The following URI1 variants were observed in gnomAD, a reference collection of about 807,000 sequenced individuals.
URI1 encodes unconventional prefoldin RPB5 interactor 1.
Under a neutral mutation model 60.2 loss-of-function variants are expected in URI1, and 39 were observed. The ratio of observed to expected loss-of-function variants is 0.65; its 90% CI spans 0.50 to 0.85. The LOEUF (loss-of-function observed/expected upper bound fraction) is 0.85, where lower values mean the gene tolerates loss of function less well. Among genes scored for constraint, URI1 ranks in the 40% least tolerant of loss-of-function variants. The pLI is 0.00. For missense variants in URI1, 691 were observed against 665.9 expected (o/e 1.04, Z -0.42); for synonymous variants, 251 against 236.8 (o/e 1.06, Z -0.55).
chr19:29,944,140 C>CATATATGT, intron 1 of URI1, among the ~76,000 whole-genome samples: 1 of 37,152 alleles, frequency 2.7e-5, no homozygotes, highest in South Asian at 8.2e-4. Context: ...CCCTGTCATT[C>CATATATGT]ATATATATAT....
At chr19:29,993,140 A>G (rs2055767016) in intron 4 of URI1, among the ~76,000 whole-genome samples, 1 of 152,182 alleles carries the variant, frequency 6.6e-6, no homozygotes, top group Admixed American at 6.5e-5. Flanking sequence ...AGTTATTTTT[A>G]TTAAATGGAA....
chr19:30,000,107 G>A (rs1284474543), intron 4 of URI1, among the ~76,000 whole-genome samples: 2 of 151,264 alleles, frequency 1.3e-5, no homozygotes, highest in South Asian at 4.2e-4. Context: ...CACAATTTTT[G>A]TTGAATCAGT....
At chr19:29,950,848 C>T (rs1250789259) in intron 1 of URI1, among the ~76,000 whole-genome samples, 2 of 152,202 alleles carry the variant, frequency 1.3e-5, no homozygotes, top group African/African-American at 2.4e-5. Flanking sequence ...AATTATTCCC[C>T]GCCACCTTCT....
intron 4 of URI1, among the ~76,000 whole-genome samples, chr19:29,991,848 C>T (rs2055751059): frequency 6.6e-6 from 1 of 152,126 alleles, no homozygotes; most frequent in Non-Finnish European, 1.5e-5. Flanking sequence ...GTATTTTCTG[C>T]ATCTATTGAT....
At chr19:29,968,570 T>C (rs1056568515) in intron 1 of URI1, among the ~76,000 whole-genome samples, 10 of 126,168 alleles carry the variant, frequency 7.9e-5, no homozygotes, top group African/African-American at 1.6e-4. Flanking sequence ...TTTTTCTTTT[T>C]TTTTTTTTTT....
At chr19:30,010,410 A>T (rs949874731) in intron 8 of URI1, among the ~76,000 whole-genome samples, 3 of 152,212 alleles carry the variant, frequency 2.0e-5, no homozygotes, top group African/African-American at 7.2e-5. Context: ...GTTGACTGAG[A>T]TGATTAGCCA....
intron 2 of URI1, among the ~76,000 whole-genome samples, chr19:29,976,259 A>G (rs940939725): frequency 1.2e-4 from 19 of 152,322 alleles, no homozygotes; most frequent in African/African-American, 4.6e-4. Flanking sequence ...ATTTACTTGC[A>G]CATGATTCAG....
At chr19:29,933,610 C>G (rs1299200611) in intron 1 of URI1, among the ~76,000 whole-genome samples, 2 of 151,892 alleles carry the variant, frequency 1.3e-5, no homozygotes, top group African/African-American at 2.4e-5. Flanking sequence ...TGCCTGAGCC[C>G]AGGAGTTCAA....
intron 1 of URI1, among the ~76,000 whole-genome samples, chr19:29,963,718 G>A (rs982323964): frequency 4.6e-5 from 7 of 152,108 alleles, no homozygotes; most frequent in South Asian, 2.1e-4. Context: ...TGGAAAAGGC[G>A]CGTCCTTTCT....
intron 2 of URI1, chr19:29,980,498 C>T (rs993502529): frequency 1.3e-5 from 2 of 149,460 alleles, no homozygotes; most frequent in African/African-American, 4.9e-5. Flanking sequence ...CAGATGTTAA[C>T]ACTTATATAG....
rs139874057 is a variant in URI1, at chr19:29,966,872, A to G, written c.118-4321A>G. On this transcript the variant is annotated intron_variant, in intron 1 of 10. Coordinates refer to ENST00000392271, the MANE Select transcript of URI1 (RefSeq NM_003796.3). ...AAACTGTTATATTATGCATTAACCCATACAGGAAGAATTTAAAATTGCAGT... is the reference window on the plus strand; with the variant it reads ...AAACTGTTATATTATGCATTAACCCGTACAGGAAGAATTTAAAATTGCAGT... 5.9e-3 allele frequency among the ~76,000 whole-genome samples: 898 copies of G among 152,356 alleles called. 10 individuals carry two copies. Among genetic ancestry groups the G allele is most frequent in the African/African-American group, 0.021 (854 of 41,578 alleles).
At chr19:30,004,234 CTT>C (rs534646049) in intron 4 of URI1, 4 of 151,732 alleles carry the variant, frequency 2.6e-5, no homozygotes, top group Non-Finnish European at 5.9e-5. Flanking sequence ...TTAATGCAGT[CTT>C]TTTTTTGTAA....
chr19:30,014,168 A>C (rs2056057259), intron 10 of URI1: 3 of 152,178 alleles, frequency 2.0e-5, no homozygotes, highest in Non-Finnish European at 4.4e-5. Context: ...CACATTCTTT[A>C]ATTCTGTTCC....
intron 1 of URI1, among the ~76,000 whole-genome samples, 191 bp downstream of exon 1, chr19:29,942,855 C>T (rs867276372): frequency 5.3e-5 from 8 of 152,256 alleles, no homozygotes; most frequent in Middle Eastern, 3.4e-3. Flanking sequence ...GAGGGGTGTG[C>T]AGCCCGTTCG....
chr19:29,984,393 C>T (rs1365809452), intron 2 of URI1, among the ~76,000 whole-genome samples: 2 of 152,120 alleles, frequency 1.3e-5, no homozygotes, highest in Admixed American at 6.5e-5. Context: ...TGTGCCACTG[C>T]ACTCCAGCCT....
intron 1 of URI1, among the ~76,000 whole-genome samples, chr19:29,950,020 T>A (rs1363076919): frequency 6.6e-6 from 1 of 152,210 alleles, no homozygotes; most frequent in African/African-American, 2.4e-5. Context: ...GAAGGCACAT[T>A]CCGTTTTGTA....
At chr19:29,973,346 C>T (rs936996092) in intron 2 of URI1, among the ~76,000 whole-genome samples, 3 of 152,074 alleles carry the variant, frequency 2.0e-5, no homozygotes, top group Admixed American at 6.6e-5. Context: ...AGGCTGGAGC[C>T]GTTCTTAGGG....
intron 4 of URI1, among the ~76,000 whole-genome samples, chr19:29,999,663 A>T (rs1003147497): frequency 6.6e-6 from 1 of 151,906 alleles, no homozygotes; most frequent in African/African-American, 2.4e-5. Flanking sequence ...GTCTGGGTTT[A>T]TCCTACTTGG....
At chr19:29,945,838 A>G (rs1568409183) in intron 1 of URI1, among the ~76,000 whole-genome samples, 1 of 151,990 alleles carries the variant, frequency 6.6e-6, no homozygotes, top group Non-Finnish European at 1.5e-5. Flanking sequence ...TATTTTACCT[A>G]AAAGTTTGTA....
Sources: allele counts gnomAD v4.1 joint callset (sites outside exome capture counted in the v4.1 genomes callset), GRCh38; gene constraint gnomAD v4.1.1; transcripts MANE v1.5; gene names NCBI Gene and HGNC (gene_info 2026-07-23, HGNC 2026-07-21).